The following NEK2 variants were observed in gnomAD, a reference collection of about 807,000 sequenced individuals.
NEK2 encodes the protein serine/threonine-protein kinase Nek2.
A neutral mutation model predicts 54.1 loss-of-function variants in NEK2; 28 were observed. The ratio of observed to expected loss-of-function variants is 0.52; its 90% confidence interval spans 0.38 to 0.71. The LOEUF is 0.71. Ranked by LOEUF, NEK2 falls within the 30% of genes least tolerant of loss-of-function variation. The pLI is 0.00. For synonymous variants in NEK2, 176 were observed against 193.1 expected (o/e 0.91, Z 0.73); for missense variants, 407 against 531.5 (o/e 0.77, Z 2.30).
At chr1:211,672,537 C>T (rs1655429125) in intron 3 of NEK2, among the ~76,000 whole-genome samples, 1 of 151,872 alleles carries the variant, frequency 6.6e-6, no homozygotes, top group African/African-American at 2.4e-5. Context: ...AGCAAACTTC[C>T]TGAGCTCTGA....
chr1:211,669,657 G>A (rs1655303250), intron 5 of NEK2: 2 of 302,076 alleles, frequency 6.6e-6, no homozygotes, highest in Non-Finnish European at 6.2e-6. Flanking sequence ...GGGAAGTACT[G>A]CCCTTGCATT....
At chr1:211,659,206 G>GA (rs140494969), downstream of NEK2, among the ~76,000 whole-genome samples, 441 of 134,042 alleles carry the variant, frequency 3.3e-3, no homozygotes, top group African/African-American at 9.9e-3. Flanking sequence ...TTTAAATAGT[G>GA]AAAAAAAAAC....
rs1655236682 is a variant in NEK2 at position 211,668,129 on chromosome 1, G to GT, written c.986-899dup. On this transcript the variant is annotated intron_variant, in intron 6 of 7. Transcript: ENST00000366999. Reference sequence around the variant, plus strand: ...TCTTATTTTTTACAGAGGTTTCCAAGTAAGTATAGGTTGTACCTATACAGT... The same window carrying GT: ...TCTTATTTTTTACAGAGGTTTCCAAGTTAAGTATAGGTTGTACCTATACAGT... Among the ~76,000 whole-genome samples, 3 of 152,002 alleles carry GT rather than the reference G, an allele frequency of 2.0e-5. No homozygotes were observed. The South Asian group carries it at 6.2e-4, about 32-fold the overall frequency.
At chr1:211,671,120 C>A (rs1655372578) in intron 4 of NEK2, 82 bp downstream of exon 4, 2 of 1,092,690 alleles carry the variant, frequency 1.8e-6, no homozygotes, top group Non-Finnish European at 2.8e-6. Flanking sequence ...TTCGTTAGCA[C>A]AGAGGCTCAA....
chr1:211,669,543 C>T (rs567274058), intron 5 of NEK2: 187 of 552,100 alleles, frequency 3.4e-4, no homozygotes, highest in Admixed American at 5.7e-4. Flanking sequence ...TGTTAACTTA[C>T]CTTTTTTCCC....
At chr1:211,673,072 CA>C (rs1369545222) in intron 3 of NEK2, among the ~76,000 whole-genome samples, 2 of 151,130 alleles carry the variant, frequency 1.3e-5, no homozygotes, top group Non-Finnish European at 2.9e-5. Context: ...TATTACTAAA[CA>C]AACAGAAAAC....
chr1:211,663,235 GA>G lies in NEK2; in HGVS notation c.*190del. ...TATAATATGTTCTTAAAAGAAGAAA[GA>G]AAAATTAAATGTGAACATTTTGTAC... On this transcript the variant is annotated 3_prime_UTR_variant, in exon 8 of 8. Coordinates refer to ENST00000366999, the MANE Select transcript of NEK2 (RefSeq NM_002497.4). 2.2e-6 allele frequency: 3 copies of G among 1,349,038 alleles called. No homozygotes were observed. In the South Asian group the frequency reaches 6.9e-5, roughly 31 times the overall value. The allele number at this position is 1,349,038 out of a possible 1,614,324, so 83.6% of individuals were successfully genotyped here.
chr1:211,660,999 G>A (rs1482713638), downstream of NEK2: 6 of 741,566 alleles, frequency 8.1e-6, no homozygotes, highest in Non-Finnish European at 1.5e-5. Flanking sequence ...CCACCATCAG[G>A]GCCCGCTGGA....
chr1:211,671,754 G>A (rs888206908), intron 3 of NEK2, among the ~76,000 whole-genome samples: 1 of 152,142 alleles, frequency 6.6e-6, no homozygotes, highest in Admixed American at 6.5e-5. Flanking sequence ...TTTATTGTTT[G>A]CCTTTCTTCC....
chr1:211,675,460 T>G lies in NEK2; in HGVS notation c.20A>C (p.Asp7Ala). 6.2e-7 allele frequency: 1 copy of G among 1,613,464 alleles called. No homozygotes were observed. Among genetic ancestry groups the G allele is most frequent in the Non-Finnish European group, 8.5e-7 (1 of 1,179,718 alleles). Residue 7 changes from aspartate (D) to alanine (A), a missense_variant, in exon 1 of 8, where the codon GAC becomes GCC. Transcript: ENST00000366999. ...GCCAATGGTGTACAACACTTCATAG[T>G]CCTCAGCCCGGGAAGGCATGGCCGG... MPSRAEDYEVLYTIGTG... is the reference protein window; with the variant it reads MPSRAEAYEVLYTIGTG...
Position 211,670,316 on chromosome 1 carries a change from A to G in NEK2, c.730T>C (p.Leu244=), listed in dbSNP as rs773378923. ...RRIPYRYSDE[L]NEIITRMLNL... ...AACATCCTCGTAATAATTTCATTCA[A>G]TTCATCAGAGTAACGGTATGGAATT... Residue 244 remains leucine (L), a synonymous_variant, in exon 5 of 8, where the codon TTG becomes CTG. Coordinates refer to ENST00000366999, the MANE Select transcript of NEK2 (RefSeq NM_002497.4). 4 of 1,611,854 alleles carry G rather than the reference A, an allele frequency of 2.5e-6. No homozygotes were observed. The highest frequency in any genetic ancestry group is 2.2e-5 in the East Asian group (1 of 44,862).
At chr1:211,659,023 T>C (rs903236606), downstream of NEK2, among the ~76,000 whole-genome samples, 1 of 152,180 alleles carries the variant, frequency 6.6e-6, no homozygotes, top group Non-Finnish European at 1.5e-5. Context: ...TGTTTTTATG[T>C]ACAGGAACAA....
In NEK2 at chr1:211,671,475, C is replaced by A. The variant is rs538578790; in HGVS notation, c.556-191G>T. On this transcript the variant is annotated intron_variant, in intron 3 of 7. Coordinates refer to ENST00000366999, the MANE Select transcript of NEK2 (RefSeq NM_002497.4). ...CCAATACACTCCATCATACATAATT[C>A]ATTCACTCATTTTCCATTCACAAAT... 5.3e-5 allele frequency among the ~76,000 whole-genome samples: 8 copies of A among 152,322 alleles called. No individual in the cohort carries two copies. The South Asian group carries it at 1.7e-3, about 32-fold the overall frequency.
chr1:211,658,681 C>T (rs551347508), downstream of NEK2: 6 of 367,542 alleles, frequency 1.6e-5, no homozygotes, highest in East Asian at 6.3e-4. Flanking sequence ...GATCACACCA[C>T]TGCATTCCAG....
chr1:211,666,387 G>T, intron 7 of NEK2: 3 of 575,322 alleles, frequency 5.2e-6, no homozygotes, highest in African/African-American at 2.0e-5. Flanking sequence ...TGCCTTTTAA[G>T]CCATGCTTTC....
At chr1:211,672,156 TAC>T (rs977259819) in intron 3 of NEK2, among the ~76,000 whole-genome samples, 4 of 152,210 alleles carry the variant, frequency 2.6e-5, no homozygotes, top group Non-Finnish European at 5.9e-5. Context: ...AAAGGTGAAC[TAC>T]TAAAATACTA....
downstream of NEK2, chr1:211,661,260 G>A: frequency 1.5e-6 from 1 of 658,474 alleles, no homozygotes; most frequent in Non-Finnish European, 2.8e-6. Context: ...CATTCTGAGG[G>A]AGGAGCAAAG....
At chr1:211,663,746 C>T (rs1655090445) in intron 7 of NEK2, 94 bp from the exon 8 acceptor site, 1 of 1,247,382 alleles carries the variant, frequency 8.0e-7, no homozygotes, top group East Asian at 2.5e-5. Flanking sequence ...GCTCTTATGG[C>T]TCACATTTGA....
intron 1 of NEK2, among the ~76,000 whole-genome samples, chr1:211,674,950 T>C (rs1255834371): frequency 6.6e-6 from 1 of 152,208 alleles, no homozygotes; most frequent in Non-Finnish European, 1.5e-5. Context: ...GTTCTACCTA[T>C]ATACATTGGG....
Sources: allele counts gnomAD v4.1 joint callset (sites outside exome capture counted in the v4.1 genomes callset), GRCh38; gene constraint gnomAD v4.1.1; transcripts MANE v1.5; gene names NCBI Gene and HGNC (gene_info 2026-07-23, HGNC 2026-07-21).